Variants in PBX3 observed in about 807,000 individuals in gnomAD.
PBX3 encodes the protein PBX homeobox 3, also known as pre-B-cell leukemia transcription factor 3.
Under a neutral mutation model 48.5 loss-of-function variants are expected in PBX3, and 14 were observed. The observed-to-expected ratio is 0.29, with a 90% CI of 0.19 to 0.45. The LOEUF (loss-of-function observed/expected upper bound fraction) is 0.45. Among genes scored for constraint, PBX3 ranks in the 20% least tolerant of loss-of-function variants. The pLI, the probability that PBX3 is intolerant of heterozygous loss-of-function variation, is 1.00. For missense variants in PBX3, 386 were observed against 546.7 expected (o/e 0.71, Z 2.93); for synonymous variants, 210 against 200.3 (o/e 1.05, Z -0.41).
intron 3 of PBX3, among the ~76,000 whole-genome samples, chr9:125,921,569 C>G (rs1416897136): frequency 6.6e-6 from 1 of 152,098 alleles, no homozygotes; most frequent in Non-Finnish European, 1.5e-5. Flanking sequence ...ATAAAACCCT[C>G]ATGAGATAGG....
intron 2 of PBX3, among the ~76,000 whole-genome samples, chr9:125,822,390 G>T (rs781757071): frequency 3.9e-5 from 6 of 152,064 alleles, no homozygotes; most frequent in Non-Finnish European, 7.4e-5. Flanking sequence ...TTTTCCTCTT[G>T]TACACAAGAT....
intron 2 of PBX3, among the ~76,000 whole-genome samples, chr9:125,757,436 G>GTGA (rs1199854089): frequency 1.3e-5 from 2 of 152,062 alleles, no homozygotes; most frequent in African/African-American, 4.8e-5. Context: ...TTTTAGTTTT[G>GTGA]TGATAATTGT....
chr9:125,840,977 A>C (rs919370141), intron 2 of PBX3, among the ~76,000 whole-genome samples: 1 of 152,094 alleles, frequency 6.6e-6, no homozygotes, highest in African/African-American at 2.4e-5. Flanking sequence ...CTATTAGTTC[A>C]ATTATTATAT....
intron 2 of PBX3, among the ~76,000 whole-genome samples, chr9:125,884,450 A>G (rs943707276): frequency 6.6e-6 from 1 of 152,212 alleles, no homozygotes; most frequent in Non-Finnish European, 1.5e-5. Context: ...TTTAGAAACA[A>G]TTCATCCAGG....
At chr9:125,883,110 G>A (rs767211677) in intron 2 of PBX3, among the ~76,000 whole-genome samples, 17 of 152,180 alleles carry the variant, frequency 1.1e-4, no homozygotes, top group Non-Finnish European at 2.2e-4. Flanking sequence ...ATAATACATA[G>A]TGTTGATGTA....
chr9:125,930,577 C>T (rs915163153), intron 4 of PBX3, among the ~76,000 whole-genome samples: 9 of 152,156 alleles, frequency 5.9e-5, no homozygotes, highest in African/African-American at 1.9e-4. Context: ...CTTTCTTCTC[C>T]CATGGAATCT....
chr9:125,763,769 G>A (rs1362040588), intron 2 of PBX3, among the ~76,000 whole-genome samples: 2 of 152,174 alleles, frequency 1.3e-5, no homozygotes, highest in Non-Finnish European at 2.9e-5. Flanking sequence ...ACTCCACTTT[G>A]ATGGGGATTG....
At chr9:125,963,194 C>A (rs1588347664) in intron 8 of PBX3, 93 bp downstream of exon 8, 3 of 623,286 alleles carry the variant, frequency 4.8e-6, no homozygotes, top group East Asian at 3.0e-5. Context: ...GGCTTCTCAT[C>A]TTCTTGGCAG....
chr9:125,839,907 C>G (rs1488815036), intron 2 of PBX3, among the ~76,000 whole-genome samples: 1 of 152,116 alleles, frequency 6.6e-6, no homozygotes, highest in African/African-American at 2.4e-5. Context: ...ATTTTGCTCT[C>G]TTAAATTCTT....
rs1185511136 is a variant in PBX3, at chr9:125,781,536, G to C, written c.274+32913G>C. 1.9e-3 allele frequency among the ~76,000 whole-genome samples: 264 copies of C among 139,064 alleles called. 1 individual carries two copies. Among genetic ancestry groups the C allele is most frequent in the African/African-American group, 6.9e-3 (253 of 36,690 alleles). 91.2% of individuals were successfully genotyped at this position (139,064 alleles called of 152,430 possible). The stretch of plus-strand genomic sequence containing the variant: ...AAAGAGAGGGAGAGGGTGACCGAGA[G>C]GGAGAGGGGAGAGGGGAGAGGGGAG... On this transcript the variant is annotated intron_variant, in intron 2 of 8. Transcript: ENST00000373489.
At chr9:125,931,081 A>G (rs1841703679) in intron 4 of PBX3, among the ~76,000 whole-genome samples, 1 of 152,368 alleles carries the variant, frequency 6.6e-6, no homozygotes, top group East Asian at 1.9e-4. Context: ...TTTATTACCT[A>G]AAGAAAAAAT....
intron 2 of PBX3, among the ~76,000 whole-genome samples, chr9:125,810,534 G>A (rs1048564331): frequency 2.0e-5 from 3 of 152,044 alleles, no homozygotes; most frequent in African/African-American, 7.2e-5. Flanking sequence ...ATGTCTTCTT[G>A]TGTTGAGTGG....
intron 2 of PBX3, among the ~76,000 whole-genome samples, chr9:125,864,790 T>C (rs1008218339): frequency 6.6e-6 from 1 of 152,206 alleles, no homozygotes; most frequent in Non-Finnish European, 1.5e-5. Context: ...CCTCTTGCCA[T>C]AGGGCCTGGT....
At position 125,759,450 on chromosome 9, in the gene PBX3, C is replaced by CA. The variant is rs1019633334; in HGVS notation, c.274+10828dup. On this transcript the variant is annotated intron_variant, in intron 2 of 8. Transcript: ENST00000373489. This position sits in a 1 kb window ranked among gnomAD's most constrained non-coding sequence, Gnocchi z 4.2. The stretch of plus-strand genomic sequence containing the variant: ...TATTTGTTGTGCAAGGGAATTGGAA[C>CA]AGTGAGGCATTTATCATATCATCCC... Among the ~76,000 whole-genome samples the CA allele has an allele frequency of 2.0e-5, 3 of 152,306 alleles. No homozygotes were observed. The highest frequency in any genetic ancestry group is 7.2e-5 in the African/African-American group (3 of 41,554).
At chr9:125,848,972 T>A (rs1221483887) in intron 2 of PBX3, among the ~76,000 whole-genome samples, 1 of 152,092 alleles carries the variant, frequency 6.6e-6, no homozygotes, top group East Asian at 1.9e-4. Context: ...ACACTTATAA[T>A]GTGCCAGGTA....
intron 5 of PBX3, among the ~76,000 whole-genome samples, chr9:125,955,393 C>G (rs926327908): frequency 2.0e-5 from 3 of 152,206 alleles, no homozygotes; most frequent in Non-Finnish European, 4.4e-5. Flanking sequence ...CAGAAATGTT[C>G]TCTCAGATGC....
intron 2 of PBX3, among the ~76,000 whole-genome samples, chr9:125,792,131 A>G (rs1350834558): frequency 6.6e-6 from 1 of 152,178 alleles, no homozygotes; most frequent in Non-Finnish European, 1.5e-5. Context: ...CTCTTATACT[A>G]GAATCCTAGA....
At position 125,880,131 on chromosome 9, in the gene PBX3, G is replaced by A. The variant is rs566893207; in HGVS notation, c.275-35555G>A. Among the ~76,000 whole-genome samples, 16 of 152,256 alleles carry A rather than the reference G, an allele frequency of 1.1e-4. No individual in the cohort carries two copies. The South Asian group carries it at 2.7e-3, about 26-fold the overall frequency. On this transcript the variant is annotated intron_variant, in intron 2 of 8. Coordinates refer to ENST00000373489, the MANE Select transcript of PBX3 (RefSeq NM_006195.6). ...GCAATCTCGGCTCACTGCACCCTCC[G>A]CCTCCCGGGTTCAAGCAGTTCTCCT...
chr9:125,779,931 CG>C (rs1457737909), intron 2 of PBX3, among the ~76,000 whole-genome samples: 1 of 111,854 alleles, frequency 8.9e-6, no homozygotes, highest in Non-Finnish European at 1.8e-5. Context: ...TCTGGCCGGG[CG>C]GGGGGCTGAC....
Sources: gnomAD v4.1 joint callset for allele counts (sites outside exome capture counted in the v4.1 genomes callset) on GRCh38, gnomAD v4.1.1 for gene constraint, Gnocchi (gnomAD v3.1) non-coding constraint, MANE v1.5 for transcripts, NCBI Gene and HGNC (gene_info 2026-07-23, HGNC 2026-07-21) for gene names.